The following CTRB1 variants were observed in gnomAD, a reference collection of about 807,000 sequenced individuals.
CTRB1 encodes chymotrypsinogen B.
Under a neutral mutation model 20.4 loss-of-function variants are expected in CTRB1, and 15 were observed. The observed-to-expected ratio is 0.74, with a 90% confidence interval of 0.49 to 1.13. The LOEUF (loss-of-function observed/expected upper bound fraction) is 1.13, where lower values mean the gene tolerates loss of function less well. Among genes scored for constraint, CTRB1 ranks in the 50% most tolerant of loss-of-function variants. The pLI is 0.00. For missense variants in CTRB1, 227 were observed against 290.1 expected (o/e 0.78, Z 1.58); for synonymous variants, 92 against 128.4 (o/e 0.72, Z 1.92).
intron 1 of CTRB1, among the ~76,000 whole-genome samples, chr16:75,221,193 A>G (rs1217816421): frequency 1.3e-5 from 2 of 152,206 alleles, no homozygotes; most frequent in African/African-American, 2.4e-5. Flanking sequence ...GGTGTGCTCA[A>G]ATGTAAAGCC....
In CTRB1 at chr16:75,219,060, G is replaced by GCTGCGGGGTCCCCGCCATCCACCC; in HGVS notation, c.52+1_52+2insCTGCGGGGTCCCCGCCATCCACCC. The GCTGCGGGGTCCCCGCCATCCACCC allele has an allele frequency of 6.3e-7, 1 of 1,586,924 alleles. No homozygotes were observed. On this transcript the variant is annotated splice_donor_variant, in intron 1 of 6. Transcript: ENST00000361017. LOFTEE classifies it high-confidence loss of function. ...TTCTCCCTTGTGGGGGCCGCCTTTG[G>GCTGCGGGGTCCCCGCCATCCACCC]TGAGTGCTGGTGCCCGAGGGGTCTG...
At chr16:75,221,462 C>T (rs1195781450) in intron 1 of CTRB1, among the ~76,000 whole-genome samples, 5 of 152,178 alleles carry the variant, frequency 3.3e-5, no homozygotes, top group East Asian at 3.9e-4. Context: ...CAGGTTCAAG[C>T]GATTCTCCTG....
At chr16:75,219,905 A>G (rs1400422880) in intron 1 of CTRB1, among the ~76,000 whole-genome samples, 2 of 152,228 alleles carry the variant, frequency 1.3e-5, no homozygotes, top group Non-Finnish European at 2.9e-5. Context: ...AGCTTATACA[A>G]TTGTACTACA....
intron 5 of CTRB1, 151 bp from the exon 6 acceptor site, chr16:75,223,904 C>T: frequency 2.1e-5 from 7 of 327,182 alleles, no homozygotes; most frequent in South Asian, 1.7e-4. Context: ...GGCCGAGGCC[C>T]CCTTGTCCCA....
Position 75,224,187 on chromosome 16 carries a change from T to C in CTRB1, c.629T>C (p.Met210Thr), listed in dbSNP as rs1486780161. Residue 210 changes from methionine (M) to threonine (T), a missense_variant and splice_region_variant, in exon 6 of 7, where the codon ATG becomes ACG. Transcript: ENST00000361017. ...GGGGCCAGTGGCGTCTCCTCCTGCA[T>C]GGTGAGGCTGGCCCTGCCCAGGCCC... ...CAGASGVSSC[M>T]GDSGGPLVCQ... 7 of 1,454,654 alleles carry C rather than the reference T, an allele frequency of 4.8e-6. No homozygotes were observed. Among genetic ancestry groups the C allele is most frequent in the Middle Eastern group, 4.9e-4 (2 of 4,048 alleles). The allele number at this position is 1,454,654 out of a possible 1,614,324, so 90.1% of individuals were successfully genotyped here. A position where few individuals can be genotyped will look rare whatever the true frequency, so the allele number is the denominator to read the frequency against.
rs762856592 is a variant in CTRB1 at position 75,224,744 on chromosome 16, G to A, written c.670G>A (p.Ala224Thr). 5 of 1,613,548 alleles carry A rather than the reference G, an allele frequency of 3.1e-6. No homozygotes were observed. The Admixed American group carries it at 5.0e-5, about 16-fold the overall frequency. The change falls in exon 7 of 7, where the codon GCC becomes ACC. Residue 224 changes from alanine (A) to threonine (T), a missense_variant. Physicochemically the swap from Ala to Thr is moderately conservative, Grantham distance 58 (BLOSUM62 0). Coordinates refer to ENST00000361017, the MANE Select transcript of CTRB1 (RefSeq NM_001906.6). ...GGPLVCQKDG[A>T]WTLVGIVSWG... ...CCCCCTGGTCTGCCAAAAGGATGGA[G>A]CCTGGACCCTGGTGGGCATTGTGTC...
At position 75,224,185 on chromosome 16, in the gene CTRB1, C is replaced by T. The variant is rs1177811584; in HGVS notation, c.627C>T (p.Cys209=). 2.7e-6 allele frequency: 4 copies of T among 1,466,392 alleles called. No individual in the cohort carries two copies. Among genetic ancestry groups the T allele is most frequent in the Non-Finnish European group, 3.6e-6 (4 of 1,099,830 alleles). 90.8% of individuals were successfully genotyped at this position (1,466,392 alleles called of 1,614,324 possible). ...CCGGGGCCAGTGGCGTCTCCTCCTG[C>T]ATGGTGAGGCTGGCCCTGCCCAGGC... is the stretch of plus-strand genomic sequence containing the variant. ...ICAGASGVSS[C]MGDSGGPLVC... is the part of the protein sequence containing the mutation. Residue 209 remains cysteine (C), a synonymous_variant, in exon 6 of 7, where the codon TGC becomes TGT. Coordinates refer to ENST00000361017, the MANE Select transcript of CTRB1 (RefSeq NM_001906.6).
chr16:75,219,623 A>T (rs956320490), intron 1 of CTRB1, among the ~76,000 whole-genome samples: 7 of 152,096 alleles, frequency 4.6e-5, no homozygotes, highest in Non-Finnish European at 7.4e-5. Flanking sequence ...ACCTCAGGTG[A>T]TGCCCCCGCC....
intron 5 of CTRB1, among the ~76,000 whole-genome samples, 196 bp downstream of exon 5, chr16:75,223,824 C>T (rs1479199129): frequency 3.6e-4 from 2 of 5,614 alleles, no homozygotes; most frequent in African/African-American, 1.5e-3. Context: ...TTCTGAGCAG[C>T]GCCCGGCCGG....
At chr16:75,219,480 C>T (rs1412598640) in intron 1 of CTRB1, among the ~76,000 whole-genome samples, 1 of 151,964 alleles carries the variant, frequency 6.6e-6, no homozygotes, top group Non-Finnish European at 1.5e-5. Context: ...CAACCTCCAT[C>T]TCCTGGGTTC....
In CTRB1 at chr16:75,219,049, G is replaced by C. The variant is rs1157945792; in HGVS notation, c.42G>C (p.Gly14=). 6.3e-7 allele frequency: 1 copy of C among 1,590,920 alleles called. No homozygotes were observed. The highest frequency in any genetic ancestry group is 1.3e-5 in the African/African-American group (1 of 74,790). Reference sequence around the variant, plus strand: ...TCCTCTCCTGCTTCTCCCTTGTGGGGGCCGCCTTTGGTGAGTGCTGGTGCC... The same window carrying C: ...TCCTCTCCTGCTTCTCCCTTGTGGGCGCCGCCTTTGGTGAGTGCTGGTGCC... ...LWLLSCFSLV[G]AAFGCGVPAI... Residue 14 remains glycine, a synonymous_variant, in exon 1 of 7, where the codon GGG becomes GGC. Coordinates refer to ENST00000361017, the MANE Select transcript of CTRB1 (RefSeq NM_001906.6).
At chr16:75,221,180 G>A (rs765760424) in intron 1 of CTRB1, among the ~76,000 whole-genome samples, 3 of 12,944 alleles carry the variant, frequency 2.3e-4, no homozygotes, top group Non-Finnish European at 4.8e-4. Context: ...TCTGAGGGAC[G>A]CGGGTGTGCT....
chr16:75,219,603 T>G (rs532151538), intron 1 of CTRB1, among the ~76,000 whole-genome samples: 19 of 152,224 alleles, frequency 1.2e-4, no homozygotes, highest in Non-Finnish European at 5.9e-5. Flanking sequence ...AGGCTGGTCT[T>G]GAACTCCTGA....
intron 5 of CTRB1, 51 bp from the exon 6 acceptor site, chr16:75,224,004 C>T: frequency 3.1e-6 from 2 of 642,372 alleles, no homozygotes; most frequent in Non-Finnish European, 4.9e-6. Flanking sequence ...TCTCTCCCTC[C>T]ACTCTTGGCT....
chr16:75,222,581 A>G (rs1416175504), intron 1 of CTRB1, 187 bp from the exon 2 acceptor site: 4 of 629,588 alleles, frequency 6.4e-6, no homozygotes, highest in Non-Finnish European at 1.1e-5. Flanking sequence ...GACTGGAGCC[A>G]GCAGGCCGAG....
chr16:75,219,517 G>A (rs1012651388), intron 1 of CTRB1, among the ~76,000 whole-genome samples: 4 of 151,628 alleles, frequency 2.6e-5, no homozygotes, highest in East Asian at 1.9e-4. Context: ...TCAGCTTCCC[G>A]AGCAGCTGGG....
At chr16:75,220,732 G>C (rs984130167) in intron 1 of CTRB1, among the ~76,000 whole-genome samples, 1 of 150,408 alleles carries the variant, frequency 6.6e-6, no homozygotes, top group East Asian at 2.0e-4. Flanking sequence ...TCTGTTGTGT[G>C]AGTATGCCAC....
chr16:75,219,395 C>CT (rs1044240526), intron 1 of CTRB1, among the ~76,000 whole-genome samples: 135 of 145,482 alleles, frequency 9.3e-4, no homozygotes, highest in East Asian at 5.2e-3. Flanking sequence ...TCCTTTCTTT[C>CT]TTTTTTTTTT....
rs772224212 is a variant in CTRB1 at position 75,222,835 on chromosome 16, C to T, written c.120C>T (p.Ala40=). ...GLSRIVNGED[A]VPGSWPWQVS... ...CCAGGATCGTGAATGGGGAGGACGCCGTCCCCGGCTCCTGGCCCTGGCAGG... is the reference window on the plus strand; with the variant it reads ...CCAGGATCGTGAATGGGGAGGACGCTGTCCCCGGCTCCTGGCCCTGGCAGG... Residue 40 remains alanine, a synonymous_variant, in exon 2 of 7, where the codon GCC becomes GCT. Coordinates refer to ENST00000361017, the MANE Select transcript of CTRB1 (RefSeq NM_001906.6). The T allele has an allele frequency of 4.7e-5, 72 of 1,534,786 alleles. No individual in the cohort carries two copies. Among genetic ancestry groups the T allele is most frequent in the Non-Finnish European group, 5.9e-5 (67 of 1,135,490 alleles).
Sources: gnomAD v4.1 joint callset for allele counts (sites outside exome capture counted in the v4.1 genomes callset) on GRCh38, gnomAD v4.1.1 for gene constraint, MANE v1.5 for transcripts, NCBI Gene and HGNC (gene_info 2026-07-23, HGNC 2026-07-21) for gene names.